Variants in TMEM196 observed in about 807,000 individuals in gnomAD.
TMEM196 encodes the protein transmembrane protein 196.
TMEM196 carries 17 observed loss-of-function variants against 20.0 expected under a neutral mutation model. The ratio of observed to expected loss-of-function variants is 0.85; its 90% CI spans 0.58 to 1.27. The LOEUF is 1.27. Among genes scored for constraint, TMEM196 ranks in the 50% most tolerant of loss-of-function variants. The pLI is 0.00. For synonymous variants in TMEM196, 113 were observed against 88.9 expected (o/e 1.27, Z -1.52); for missense variants, 267 against 223.0 (o/e 1.20, Z -1.26).
intron 4 of TMEM196, 35 bp from the exon 5 acceptor site, chr7:19,722,169 C>T: frequency 1.9e-6 from 3 of 1,568,492 alleles, no homozygotes; most frequent in Non-Finnish European, 2.6e-6. Flanking sequence ...TTAAAATTCG[C>T]TTTTGGAGTA....
In TMEM196 at chr7:19,720,238, A is replaced by G. The variant is rs1783769802; in HGVS notation, c.*1890T>C. On this transcript the variant is annotated 3_prime_UTR_variant, in exon 5 of 5. Transcript: ENST00000405844. ...TGAAGTTATCCAAAGGAATTGGGAG[A>G]CTTCAAAAAGTGCACCAAACAAGCA... 6.6e-6 allele frequency: 1 copy of G among 151,944 alleles called. No homozygotes were observed. The allele number at this position is 151,944 out of a possible 1,614,324, so 9.4% of individuals were successfully genotyped here.
intron 1 of TMEM196, among the ~76,000 whole-genome samples, chr7:19,767,658 G>A (rs1785690325): frequency 6.6e-6 from 1 of 151,890 alleles, no homozygotes; most frequent in African/African-American, 2.4e-5. Context: ...TATAATTTCA[G>A]TTAATTTTAA....
rs1486162009 is a variant in TMEM196, at chr7:19,719,341, T to C, written c.*2787A>G. ...AGTTTCAAAGCACATCATTTTATTA[T>C]AGACATGTCAGTAGAGTTATCATTT... is the stretch of plus-strand genomic sequence containing the variant. On this transcript the variant is annotated 3_prime_UTR_variant, in exon 5 of 5. Coordinates refer to ENST00000405844, the MANE Select transcript of TMEM196 (RefSeq NM_001363562.2). 1.3e-5 allele frequency: 2 copies of C among 152,134 alleles called. No homozygotes were observed. The highest frequency in any genetic ancestry group is 6.5e-5 in the Admixed American group (1 of 15,278). 9.4% of individuals were successfully genotyped at this position (152,134 alleles called of 1,614,324 possible).
In TMEM196 at chr7:19,772,605, A is replaced by C. The variant is rs1215165297; in HGVS notation, c.92T>G (p.Val31Gly). ...LGVSSVAVGA[V>G]SFSLALREHK... ...CTCTCGGAGGGCCAGGCTGAAGCTG[A>C]CCGCCCCCACGGCCACGCTGGACAC... The change falls in exon 1 of 5, where the codon GTC becomes GGC. Residue 31 changes from valine to glycine, a missense_variant. Val to Gly is a moderately radical substitution (Grantham distance 109). Coordinates refer to ENST00000405844, the MANE Select transcript of TMEM196 (RefSeq NM_001363562.2). 1 of 1,546,456 alleles carries C rather than the reference A, an allele frequency of 6.5e-7. No individual in the cohort carries two copies. The highest frequency in any genetic ancestry group is 2.0e-5 in the Admixed American group (1 of 50,566).
At chr7:19,752,826 G>C (rs1785042518) in intron 1 of TMEM196, among the ~76,000 whole-genome samples, 1 of 152,014 alleles carries the variant, frequency 6.6e-6, no homozygotes, top group Non-Finnish European at 1.5e-5. Flanking sequence ...TGTTGGTCAG[G>C]CTGGTCTCGA....
At chr7:19,724,238 C>A in intron 4 of TMEM196, 42 bp downstream of exon 4, 1 of 1,519,024 alleles carries the variant, frequency 6.6e-7, no homozygotes, top group Non-Finnish European at 8.9e-7. Flanking sequence ...GTGCTTTCTG[C>A]AGCGACATTA....
intron 1 of TMEM196, among the ~76,000 whole-genome samples, chr7:19,732,633 T>TTG (rs72189354): frequency 2.0e-5 from 3 of 148,418 alleles, no homozygotes; most frequent in Middle Eastern, 3.5e-3. Flanking sequence ...TTTTTTTTTT[T>TTG]TGTGTGTGTT....
rs1043853224 is a variant in TMEM196, at chr7:19,721,078, C to T, written c.*1050G>A. On this transcript the variant is annotated 3_prime_UTR_variant, in exon 5 of 5. Transcript: ENST00000405844. ...AAATAAGTAGTCTATCTGTATACTA[C>T]ACTATTCAGATCACTCATCTTCATA... is the stretch of plus-strand genomic sequence containing the variant. The T allele has an allele frequency of 2.0e-5, 3 of 151,854 alleles. No individual in the cohort carries two copies. The highest frequency in any genetic ancestry group is 1.9e-4 in the East Asian group (1 of 5,206). 9.4% of individuals were successfully genotyped at this position (151,854 alleles called of 1,614,324 possible).
At chr7:19,739,496 T>A (rs1436064815) in intron 1 of TMEM196, among the ~76,000 whole-genome samples, 1 of 152,150 alleles carries the variant, frequency 6.6e-6, no homozygotes, top group Non-Finnish European at 1.5e-5. Flanking sequence ...CTTGTCCATC[T>A]CTTCAGTTAC....
At chr7:19,728,196 TTC>T (rs146391503) in intron 2 of TMEM196, among the ~76,000 whole-genome samples, 1 of 151,996 alleles carries the variant, frequency 6.6e-6, no homozygotes, top group Non-Finnish European at 1.5e-5. Context: ...TCCTCTTTCT[TTC>T]TCTCTCTCTT....
rs999180918 is a variant in TMEM196 at position 19,721,039 on chromosome 7, A to G, written c.*1089T>C. 3 of 151,936 alleles carry G rather than the reference A, an allele frequency of 2.0e-5. No individual in the cohort carries two copies. The highest frequency in any genetic ancestry group is 4.4e-5 in the Non-Finnish European group (3 of 67,820). 9.4% of individuals were successfully genotyped at this position (151,936 alleles called of 1,614,324 possible). ...ATTGCTATACATAAATACTATAATC[A>G]TAGTGAAATAGTCAAATAAGTAGTC... On this transcript the variant is annotated 3_prime_UTR_variant, in exon 5 of 5. Coordinates refer to ENST00000405844, the MANE Select transcript of TMEM196 (RefSeq NM_001363562.2).
At chr7:19,770,809 A>T (rs1440997556) in intron 1 of TMEM196, among the ~76,000 whole-genome samples, 1 of 152,216 alleles carries the variant, frequency 6.6e-6, no homozygotes, top group African/African-American at 2.4e-5. Context: ...ATAGTCTGAG[A>T]AAAAGAAAAA....
intron 4 of TMEM196, among the ~76,000 whole-genome samples, chr7:19,722,442 G>A (rs1432455978): frequency 1.3e-5 from 2 of 152,066 alleles, no homozygotes; most frequent in Admixed American, 6.6e-5. Context: ...CACCTAGAAA[G>A]AAGAAGATGG....
At chr7:19,731,035 A>G (rs1228761171) in intron 1 of TMEM196, among the ~76,000 whole-genome samples, 1 of 152,206 alleles carries the variant, frequency 6.6e-6, no homozygotes, top group Non-Finnish European at 1.5e-5. Context: ...TTAAATATTT[A>G]TATAATTTTA....
chr7:19,764,556 A>T (rs563260650), intron 1 of TMEM196, among the ~76,000 whole-genome samples: 96 of 152,272 alleles, frequency 6.3e-4, no homozygotes, highest in Non-Finnish European at 1.1e-3. Flanking sequence ...TCCTCTGCCC[A>T]CTGGAAACCT....
chr7:19,739,609 A>G (rs760696209), intron 1 of TMEM196, among the ~76,000 whole-genome samples: 69 of 152,112 alleles, frequency 4.5e-4, no homozygotes, highest in Admixed American at 3.4e-3. Context: ...AACAATAAGC[A>G]AAAGACTAAT....
At chr7:19,723,899 A>G (rs894898443) in intron 4 of TMEM196, among the ~76,000 whole-genome samples, 3 of 152,182 alleles carry the variant, frequency 2.0e-5, no homozygotes, top group Non-Finnish European at 4.4e-5. Context: ...CAATTTTAGC[A>G]TGAGGAAAAT....
rs1194739510 is a variant in TMEM196 at position 19,759,772 on chromosome 7, AT to A, written c.147+12777del. Reference sequence around the variant, plus strand: ...AAAATCTGGTAATTATTCTTAATACATCCCCTCTATAATGGCATAAAATTGA... The same window carrying A: ...AAAATCTGGTAATTATTCTTAATACACCCCTCTATAATGGCATAAAATTGA... On this transcript the variant is annotated intron_variant, in intron 1 of 4. Transcript: ENST00000405844. Among the ~76,000 whole-genome samples the A allele has an allele frequency of 6.6e-5, 10 of 152,272 alleles. No homozygotes were observed. The East Asian group carries it at 1.9e-3, about 29-fold the overall frequency.
intron 1 of TMEM196, among the ~76,000 whole-genome samples, chr7:19,759,660 A>ACACACGCAGGCACC (rs1167474240): frequency 6.6e-6 from 1 of 152,092 alleles, no homozygotes; most frequent in African/African-American, 2.4e-5. Context: ...ACGCAGGCAC[A>ACACACGCAGGCACC]CACACACATG....
Sources: allele counts gnomAD v4.1 joint callset (sites outside exome capture counted in the v4.1 genomes callset), GRCh38; gene constraint gnomAD v4.1.1; transcripts MANE v1.5; gene names NCBI Gene and HGNC (gene_info 2026-07-23, HGNC 2026-07-21).